DHRSX: variants seen among roughly 807,000 people sequenced by gnomAD.
DHRSX encodes the protein dehydrogenase/reductase X-linked.
Under a neutral mutation model 34.0 loss-of-function variants are expected in DHRSX, and 31 were observed. That is an observed-to-expected ratio of 0.91 (90% CI 0.69 to 1.23). The LOEUF (loss-of-function observed/expected upper bound fraction) is 1.23. DHRSX is among the 50% of genes most tolerant of loss of function. DHRSX has a pLI of 0.00. For synonymous variants in DHRSX, 201 were observed against 183.8 expected (o/e 1.09, Z -0.76); for missense variants, 414 against 428.1 (o/e 0.97, Z 0.29).
At chrX:2,480,516 TAAA>T (rs11361866) in intron 1 of DHRSX, among the ~76,000 whole-genome samples, 87 of 141,536 alleles carry the variant, frequency 6.1e-4, no homozygotes, top group South Asian at 7.0e-4. Flanking sequence ...ACCGCATCTT[TAAA>T]AAAAAAAAAA....
chrX:2,266,725 A>T lies in DHRSX; in HGVS notation c.596+15T>A. On this transcript the variant is annotated intron_variant, in intron 5 of 6. Transcript: ENST00000334651. Reference sequence around the variant, plus strand: ...ACCTGAGATGCTGTTATGATTATTCACAGGGTGCACCTACCTGCTCTGAAG... The same window carrying T: ...ACCTGAGATGCTGTTATGATTATTCTCAGGGTGCACCTACCTGCTCTGAAG... 6.2e-7 allele frequency: 1 copy of T among 1,613,118 alleles called. No homozygotes were observed. Among genetic ancestry groups the T allele is most frequent in the Non-Finnish European group, 8.5e-7 (1 of 1,179,088 alleles).
Position 2,363,463 on chromosome X carries a change from T to C in DHRSX, c.286+45282A>G, listed in dbSNP as rs112870366. On this transcript the variant is annotated intron_variant, in intron 3 of 6. Coordinates refer to ENST00000334651, the MANE Select transcript of DHRSX (RefSeq NM_145177.3). Reference sequence around the variant, plus strand: ...TGGTAACATGCCTCCATTTTATCACTGTTCTATGGTATCATGCCGCCATTT... The same window carrying C: ...TGGTAACATGCCTCCATTTTATCACCGTTCTATGGTATCATGCCGCCATTT... 2.2e-3 allele frequency among the ~76,000 whole-genome samples: 293 copies of C among 134,338 alleles called. 17 individuals carry two copies. The highest frequency in any genetic ancestry group is 5.8e-3 in the African/African-American group (201 of 34,408). The allele number at this position is 134,338 out of a possible 152,430, so 88.1% of individuals were successfully genotyped here.
chrX:2,259,660 G>A (rs1249715883), intron 5 of DHRSX, among the ~76,000 whole-genome samples: 7 of 152,150 alleles, frequency 4.6e-5, no homozygotes, highest in Admixed American at 4.6e-4. Flanking sequence ...AAATTCAGGA[G>A]TGGACAGGGT....
At chrX:2,340,180 G>A (rs1452963085) in intron 3 of DHRSX, among the ~76,000 whole-genome samples, 1 of 151,770 alleles carries the variant, frequency 6.6e-6, no homozygotes, top group East Asian at 1.9e-4. Flanking sequence ...CACACACTGG[G>A]GCCTGTCGAG....
At chrX:2,276,780 G>A (rs2041662777) in intron 4 of DHRSX, among the ~76,000 whole-genome samples, 1 of 150,956 alleles carries the variant, frequency 6.6e-6, no homozygotes. Context: ...AAGGAAGAGA[G>A]AAGGAGAGGG....
intron 6 of DHRSX, among the ~76,000 whole-genome samples, chrX:2,230,501 G>C (rs746323999): frequency 2.0e-5 from 3 of 152,298 alleles, no homozygotes; most frequent in Non-Finnish European, 4.4e-5. Context: ...GCTCTGTGAT[G>C]ATTGAGTTCA....
At chrX:2,358,648 G>C (rs1327682540) in intron 3 of DHRSX, among the ~76,000 whole-genome samples, 3 of 152,134 alleles carry the variant, frequency 2.0e-5, no homozygotes, top group African/African-American at 4.8e-5. Flanking sequence ...ATTCTTTTGA[G>C]GTAGATCTTA....
intron 1 of DHRSX, among the ~76,000 whole-genome samples, chrX:2,468,843 C>T (rs1355466420): frequency 2.1e-5 from 3 of 142,732 alleles, no homozygotes; most frequent in East Asian, 4.3e-4. Context: ...GTTCCCTAAG[C>T]TTGTGGCTAA....
intron 3 of DHRSX, among the ~76,000 whole-genome samples, chrX:2,343,198 C>A (rs1215882407): frequency 6.6e-6 from 1 of 152,138 alleles, no homozygotes; most frequent in Non-Finnish European, 1.5e-5. Flanking sequence ...ATGATAAGCA[C>A]CCCCTTCCAA....
chrX:2,291,654 A>C (rs1489649024), intron 3 of DHRSX, 51 bp from the exon 4 acceptor site: 1 of 1,369,796 alleles, frequency 7.3e-7, no homozygotes, highest in African/African-American at 1.4e-5. Context: ...AACCTATTTC[A>C]GAGATTAAGA....
chrX:2,364,235 C>T (rs1252863370), intron 3 of DHRSX, among the ~76,000 whole-genome samples: 1 of 152,044 alleles, frequency 6.6e-6, no homozygotes, highest in African/African-American at 2.4e-5. Context: ...CTTTTTGTTT[C>T]CCCCTCCCCC....
intron 1 of DHRSX, among the ~76,000 whole-genome samples, chrX:2,429,713 C>A (rs1014120105): frequency 1.6e-4 from 24 of 152,088 alleles, no homozygotes; most frequent in South Asian, 6.2e-4. Flanking sequence ...ACCCCGGCCT[C>A]CCAAAGAGCT....
Position 2,417,148 on chromosome X carries a change from G to C in DHRSX, c.217+8049C>G, listed in dbSNP as rs776821300. Among the ~76,000 whole-genome samples, 5 of 152,248 alleles carry C rather than the reference G, an allele frequency of 3.3e-5. No individual in the cohort carries two copies. In the East Asian group the frequency reaches 7.7e-4, roughly 24 times the overall value. On this transcript the variant is annotated intron_variant, in intron 2 of 6. Transcript: ENST00000334651. ...TCTGTGGGATAGGAGACACAGGTGG[G>C]GTGCAGATGTGGTGTTTACTTTCTG...
intron 1 of DHRSX, chrX:2,488,024 A>G (rs2044993348): frequency 6.6e-6 from 1 of 151,814 alleles, no homozygotes; most frequent in East Asian, 2.0e-4. Flanking sequence ...CGAATCAGAC[A>G]TGGTGGAGGT....
chrX:2,386,895 TTTG>T, intron 3 of DHRSX, among the ~76,000 whole-genome samples: 1 of 151,732 alleles, frequency 6.6e-6, no homozygotes, highest in Admixed American at 6.6e-5. Context: ...TTTTTTTTTT[TTTG>T]CTTCTCTGCT....
chrX:2,352,175 C>A (rs1408519379), intron 3 of DHRSX, among the ~76,000 whole-genome samples: 1 of 152,090 alleles, frequency 6.6e-6, no homozygotes, highest in Non-Finnish European at 1.5e-5. Context: ...GCTGATGACT[C>A]CTGGAGGCAC....
At chrX:2,222,988 T>C (rs1234221717) in intron 6 of DHRSX, among the ~76,000 whole-genome samples, 1 of 152,212 alleles carries the variant, frequency 6.6e-6, no homozygotes, top group Non-Finnish European at 1.5e-5. Flanking sequence ...GACTTGCCTC[T>C]GCTCTTCTGC....
intron 1 of DHRSX, among the ~76,000 whole-genome samples, chrX:2,446,745 T>C (rs182556434): frequency 6.9e-4 from 103 of 148,244 alleles, no homozygotes; most frequent in Middle Eastern, 3.9e-3. Flanking sequence ...ATCGACACCA[T>C]GTACAGAAGA....
intron 3 of DHRSX, among the ~76,000 whole-genome samples, chrX:2,334,008 T>G (rs769676170): frequency 6.6e-6 from 1 of 152,262 alleles, no homozygotes; most frequent in Non-Finnish European, 1.5e-5. Context: ...CTGATGGGTA[T>G]CTAGCTTAAT....
Sources: allele counts gnomAD v4.1 joint callset (sites outside exome capture counted in the v4.1 genomes callset), GRCh38; gene constraint gnomAD v4.1.1; transcripts MANE v1.5; gene names NCBI Gene and HGNC (gene_info 2026-07-23, HGNC 2026-07-21).